PTPRD: variants seen among roughly 807,000 people sequenced by gnomAD.
PTPRD encodes the protein receptor-type tyrosine-protein phosphatase delta.
PTPRD carries 34 observed loss-of-function variants against 214.5 expected under a neutral mutation model. That is an observed-to-expected ratio of 0.16 (90% confidence interval 0.12 to 0.21). The LOEUF (loss-of-function observed/expected upper bound fraction) is 0.21, where lower values mean the gene tolerates loss of function less well. PTPRD is among the 10% of genes least tolerant of loss of function. The pLI is 1.00. For missense variants in PTPRD, 2,545 were observed against 2,398.7 expected (o/e 1.06, Z -1.27); for synonymous variants, 1,128 against 845.7 (o/e 1.33, Z -5.79).
At chr9:10,113,556 A>G (rs1314627420) in intron 3 of PTPRD, among the ~76,000 whole-genome samples, 1 of 152,222 alleles carries the variant, frequency 6.6e-6, no homozygotes, top group East Asian at 1.9e-4. Context: ...ATGATCACCT[A>G]GGGAGCTTAA....
At chr9:9,358,448 A>G (rs533205145) in intron 9 of PTPRD, among the ~76,000 whole-genome samples, 1 of 151,426 alleles carries the variant, frequency 6.6e-6, no homozygotes, top group South Asian at 2.1e-4. Context: ...ATATTCCTGG[A>G]AACATTTTAG....
intron 10 of PTPRD, among the ~76,000 whole-genome samples, chr9:9,027,271 A>G (rs1055367595): frequency 6.6e-6 from 1 of 151,786 alleles, no homozygotes; most frequent in African/African-American, 2.4e-5. Flanking sequence ...ATTAGCAATA[A>G]TCTTAATTTT....
intron 3 of PTPRD, among the ~76,000 whole-genome samples, chr9:10,107,179 GC>G (rs928317190): frequency 3.3e-5 from 5 of 151,964 alleles, no homozygotes; most frequent in Admixed American, 2.0e-4. Context: ...AGTGGACTTG[GC>G]AGATGGAAAC....
chr9:8,524,911 T>A lies in PTPRD; in HGVS notation c.679+14A>T. 1 of 1,609,818 alleles carries A rather than the reference T, an allele frequency of 6.2e-7. No individual in the cohort carries two copies. On this transcript the variant is annotated intron_variant, in intron 18 of 45. Coordinates refer to ENST00000381196, the MANE Select transcript of PTPRD (RefSeq NM_002839.4). ...CTGAATGAAGAAGCGATGCCAGGGT[T>A]ATGTCATTCCTACCTCTGACATATA...
intron 5 of PTPRD, among the ~76,000 whole-genome samples, chr9:9,771,173 A>G (rs186998049): frequency 1.3e-5 from 2 of 152,158 alleles, no homozygotes; most frequent in Non-Finnish European, 1.5e-5. Context: ...CACCTTTATT[A>G]ACTATTAGTA....
chr9:9,916,045 G>C (rs1164962321), intron 5 of PTPRD, among the ~76,000 whole-genome samples: 1 of 150,984 alleles, frequency 6.6e-6, no homozygotes, highest in Non-Finnish European at 1.5e-5. Context: ...TAGAGGCAAG[G>C]AGAGAATGAG....
intron 44 of PTPRD, among the ~76,000 whole-genome samples, chr9:8,323,080 T>G (rs1017126713): frequency 6.6e-6 from 1 of 152,152 alleles, no homozygotes; most frequent in Non-Finnish European, 1.5e-5. Context: ...TTGTACCAAA[T>G]AGCCCAGTTC....
At chr9:9,178,954 G>C (rs2099926530) in intron 10 of PTPRD, among the ~76,000 whole-genome samples, 1 of 151,970 alleles carries the variant, frequency 6.6e-6, no homozygotes, top group Non-Finnish European at 1.5e-5. Context: ...ATCTCTTTTA[G>C]AGACCTGAAT....
At chr9:8,971,852 T>G (rs932486544) in intron 11 of PTPRD, among the ~76,000 whole-genome samples, 2 of 151,660 alleles carry the variant, frequency 1.3e-5, no homozygotes, top group African/African-American at 4.8e-5. Context: ...GCCAGAAGAA[T>G]AAGCCATTTC....
At chr9:8,422,399 T>C (rs1385179891) in intron 35 of PTPRD, among the ~76,000 whole-genome samples, 2 of 152,120 alleles carry the variant, frequency 1.3e-5, no homozygotes, top group South Asian at 4.1e-4. Context: ...GGTAATATGA[T>C]GGTTGTTTAT....
At chr9:8,738,784 A>AAAAACT (rs1410040542) in intron 11 of PTPRD, among the ~76,000 whole-genome samples, 4 of 152,024 alleles carry the variant, frequency 2.6e-5, no homozygotes, top group Admixed American at 6.6e-5. Context: ...AAACAAAAAC[A>AAAAACT]AAAACTACTG....
chr9:9,013,150 G>A (rs1204205641), intron 11 of PTPRD, among the ~76,000 whole-genome samples: 1 of 151,362 alleles, frequency 6.6e-6, no homozygotes. Flanking sequence ...TTTTTTTTCT[G>A]TTTTTTGTTT....
At chr9:9,575,717 C>CAAA (rs757614546) in intron 7 of PTPRD, among the ~76,000 whole-genome samples, 179 of 33,320 alleles carry the variant, frequency 5.4e-3, no homozygotes, top group East Asian at 0.013. Context: ...AAGACTGTCT[C>CAAA]AAAAAAAAAA....
At chr9:10,221,341 G>A (rs538107141) in intron 3 of PTPRD, among the ~76,000 whole-genome samples, 2 of 151,886 alleles carry the variant, frequency 1.3e-5, no homozygotes, top group East Asian at 3.9e-4. Context: ...CTGCATACTC[G>A]ATATCATTTT....
intron 6 of PTPRD, among the ~76,000 whole-genome samples, chr9:9,756,717 T>G (rs938596291): frequency 6.6e-6 from 1 of 152,158 alleles, no homozygotes; most frequent in African/African-American, 2.4e-5. Context: ...ATGGTTATTT[T>G]TATGGTATAT....
intron 7 of PTPRD, among the ~76,000 whole-genome samples, chr9:9,638,931 C>A (rs925088671): frequency 3.3e-5 from 5 of 152,088 alleles, no homozygotes; most frequent in Non-Finnish European, 7.4e-5. Flanking sequence ...GTAGAAAGAA[C>A]AAAACTCTCT....
intron 3 of PTPRD, among the ~76,000 whole-genome samples, chr9:10,328,374 G>A (rs900616856): frequency 2.0e-5 from 3 of 151,662 alleles, no homozygotes; most frequent in Non-Finnish European, 4.4e-5. Flanking sequence ...AACTGGTAGG[G>A]GGGTTTCTGG....
intron 2 of PTPRD, among the ~76,000 whole-genome samples, chr9:10,450,530 T>C (rs2098834342): frequency 6.6e-6 from 1 of 152,062 alleles, no homozygotes; most frequent in South Asian, 2.1e-4. Flanking sequence ...CCCTAATCTG[T>C]AGTTTATATT....
At chr9:10,383,947 T>G (rs2097864927) in intron 2 of PTPRD, among the ~76,000 whole-genome samples, 1 of 151,628 alleles carries the variant, frequency 6.6e-6, no homozygotes, top group African/African-American at 2.4e-5. Flanking sequence ...CCAAGGAGTT[T>G]TGAAAATATC....
Sources: gnomAD v4.1 joint callset for allele counts (sites outside exome capture counted in the v4.1 genomes callset) on GRCh38, gnomAD v4.1.1 for gene constraint, MANE v1.5 for transcripts, NCBI Gene and HGNC (gene_info 2026-07-23, HGNC 2026-07-21) for gene names.